Variants in ZBED6 observed in about 807,000 individuals in gnomAD.
ZBED6 encodes zinc finger BED domain-containing protein 6.
Under a neutral mutation model 58.4 loss-of-function variants are expected in ZBED6, and 40 were observed. The observed-to-expected ratio is 0.68, with a 90% confidence interval of 0.53 to 0.89. The LOEUF (loss-of-function observed/expected upper bound fraction) is 0.89, where lower values mean the gene tolerates loss of function less well. ZBED6 is among the 40% of genes least tolerant of loss of function. ZBED6 has a pLI of 0.00. For missense variants in ZBED6, 1,057 were observed against 1,003.9 expected (o/e 1.05, Z -0.71); for synonymous variants, 439 against 350.6 (o/e 1.25, Z -2.82).
chr1:203,795,725 A>C (rs1668170054), exon 1 of ZBED6: 1 of 152,228 alleles, frequency 6.6e-6, no homozygotes, highest in Non-Finnish European at 1.5e-5. Flanking sequence ...CGGCCAAGCA[A>C]GAAGAAAGAC....
intron 3 of ZBED6, among the ~76,000 whole-genome samples, chr1:203,820,619 G>A (rs1011692388): frequency 2.0e-5 from 3 of 151,754 alleles, no homozygotes; most frequent in South Asian, 2.1e-4. Flanking sequence ...CTGGGACAAC[G>A]GGCATGCCTC....
At chr1:203,805,644 CA>C (rs765263690) in intron 1 of ZBED6, 2 of 700,754 alleles carry the variant, frequency 2.9e-6, no homozygotes, top group Non-Finnish European at 5.3e-6. Context: ...TGTGGCAATC[CA>C]AATTCATCCA....
At chr1:203,843,406 T>C (rs1234144102) in intron 11 of ZBED6, among the ~76,000 whole-genome samples, 1 of 152,240 alleles carries the variant, frequency 6.6e-6, no homozygotes, top group Non-Finnish European at 1.5e-5. Flanking sequence ...TAGATAGATG[T>C]TGGAACTTTG....
chr1:203,804,973 T>C (rs1671785096), intron 1 of ZBED6, among the ~76,000 whole-genome samples: 1 of 151,648 alleles, frequency 6.6e-6, no homozygotes, highest in Non-Finnish European at 1.5e-5. Flanking sequence ...GTGCCCGGCC[T>C]GTCTCGTCTT....
chr1:203,806,171 C>A, intron 1 of ZBED6: 1 of 493,752 alleles, frequency 2.0e-6, no homozygotes, highest in South Asian at 1.5e-5. Flanking sequence ...GAAATCTTGT[C>A]AGTGGATTCT....
chr1:203,796,290 C>A, exon 1 of ZBED6: 2 of 397,250 alleles, frequency 5.0e-6, no homozygotes, highest in South Asian at 2.8e-4. Context: ...CATTCCTCTC[C>A]AGGGTCCCGG....
chr1:203,798,797 C>A lies in ZBED6; in HGVS notation c.1275C>A (p.Tyr425Ter), dbSNP rs904392801. ...TGATTGTGGAGGATATGCATCCTTA[C>A]AACTATTTCTCAACCCCAGCCTTTC... The change falls in exon 1 of 17, where the codon TAC becomes TAA. Residue 425 changes from tyrosine to a stop codon, truncating the protein, a stop_gained. Coordinates refer to ENST00000550078, the Ensembl canonical transcript of ZBED6. LOFTEE classifies it high-confidence loss of function. 4.6e-6 allele frequency: 7 copies of A among 1,536,158 alleles called. No homozygotes were observed. Among genetic ancestry groups the A allele is most frequent in the Non-Finnish European group, 5.2e-6 (6 of 1,146,914 alleles).
At chr1:203,849,950 G>A (rs761784804) in exon 14 of ZBED6, 12 of 1,613,962 alleles carry the variant, frequency 7.4e-6, no homozygotes, top group African/African-American at 2.7e-5. Flanking sequence ...AGAAGGTGGA[G>A]GTAGAAACCT....
chr1:203,802,714 C>CTTTTTTTTTTTTTT (rs150416242), exon 1 of ZBED6: 1 of 131,652 alleles, frequency 7.6e-6, no homozygotes, highest in Non-Finnish European at 1.6e-5. Flanking sequence ...TAAATGAACT[C>CTTTTTTTTTTTTTT]TTTTTTTTTG....
chr1:203,817,223 A>T (rs1676648799), intron 2 of ZBED6, 99 bp downstream of exon 2: 1 of 972,944 alleles, frequency 1.0e-6, no homozygotes, highest in East Asian at 3.0e-5. Flanking sequence ...TTATATATAT[A>T]TTTTTTGCCC....
chr1:203,810,872 T>C lies in ZBED6; in HGVS notation c.*2555-6054T>C, dbSNP rs373814868. On this transcript the variant is annotated intron_variant, in intron 1 of 16. Transcript: ENST00000550078. ...TAGTTGTGGGCCAGACGCTCACGCCTGTAATCCCAGCACTTTGAGAGGTTG... is the reference window on the plus strand; with the variant it reads ...TAGTTGTGGGCCAGACGCTCACGCCCGTAATCCCAGCACTTTGAGAGGTTG... Among the ~76,000 whole-genome samples, 333 of 151,920 alleles carry C rather than the reference T, an allele frequency of 2.2e-3. 2 individuals carry two copies. Among genetic ancestry groups the C allele is most frequent in the African/African-American group, 7.8e-3 (323 of 41,420 alleles).
exon 1 of ZBED6, chr1:203,801,271 G>A (rs1442402697): frequency 6.6e-6 from 1 of 152,106 alleles, no homozygotes; most frequent in East Asian, 1.9e-4. Flanking sequence ...CCCAAAGATT[G>A]TTTCTGTAAT....
intron 1 of ZBED6, among the ~76,000 whole-genome samples, chr1:203,810,869 G>A (rs929402443): frequency 1.3e-5 from 2 of 151,846 alleles, no homozygotes; most frequent in African/African-American, 2.4e-5. Context: ...AGACGCTCAC[G>A]CCTGTAATCC....
rs1372393128 is a variant in ZBED6 at position 203,833,787 on chromosome 1, T to C, written c.*3511-4T>C. ...ATAGAGAAATTCTGCTTTTGCCATT[T>C]CAGGAGAAGAACCCTTGGTTAGATT... On this transcript the variant is annotated splice_polypyrimidine_tract_variant and splice_region_variant and intron_variant, in intron 8 of 16. Coordinates refer to ENST00000550078, the Ensembl canonical transcript of ZBED6. 1 of 1,605,698 alleles carries C rather than the reference T, an allele frequency of 6.2e-7. No homozygotes were observed. The highest frequency in any genetic ancestry group is 8.5e-7 in the Non-Finnish European group (1 of 1,177,290).
exon 17 of ZBED6, chr1:203,852,594 G>T: frequency 3.2e-6 from 2 of 621,616 alleles, no homozygotes; most frequent in Non-Finnish European, 5.5e-6. Flanking sequence ...TAACCATTTT[G>T]TCCATTTGAT....
chr1:203,799,720 G>C (rs1165429975), exon 1 of ZBED6: 1 of 733,740 alleles, frequency 1.4e-6, no homozygotes, highest in Non-Finnish European at 2.4e-6. Context: ...TTTCAAGTCA[G>C]AGGTATTACT....
chr1:203,814,652 G>A (rs895485487), intron 1 of ZBED6, among the ~76,000 whole-genome samples: 4 of 151,994 alleles, frequency 2.6e-5, no homozygotes, highest in Admixed American at 6.6e-5. Context: ...TTTCTTCTAG[G>A]CCTTTTCTAT....
At chr1:203,839,141 G>A (rs1203442086) in intron 10 of ZBED6, among the ~76,000 whole-genome samples, 1 of 152,148 alleles carries the variant, frequency 6.6e-6, no homozygotes, top group Non-Finnish European at 1.5e-5. Context: ...TAGTGGCATA[G>A]ATTTGGTATT....
At chr1:203,837,797 G>A (rs1684848563) in intron 9 of ZBED6, among the ~76,000 whole-genome samples, 169 bp from the exon 10 acceptor site, 2 of 152,172 alleles carry the variant, frequency 1.3e-5, no homozygotes, top group Middle Eastern at 3.4e-3. Context: ...TCTTTTCTCC[G>A]ACATTTTTAT....
Sources: allele counts gnomAD v4.1 joint callset (sites outside exome capture counted in the v4.1 genomes callset), GRCh38; gene constraint gnomAD v4.1.1; transcripts MANE v1.5; gene names NCBI Gene and HGNC (gene_info 2026-07-23, HGNC 2026-07-21).